The following TRAPPC9 variants were observed in gnomAD, a reference collection of about 807,000 sequenced individuals.
TRAPPC9 encodes trafficking protein particle complex subunit 9.
A neutral mutation model predicts 124.0 loss-of-function variants in TRAPPC9; 83 were observed. The observed-to-expected ratio is 0.67, with a 90% confidence interval of 0.56 to 0.80. The LOEUF is 0.80. Among genes scored for constraint, TRAPPC9 ranks in the 30% least tolerant of loss-of-function variants. The probability of loss-of-function intolerance (pLI) is 0.00; values close to 1 mark genes in which losing one functional copy is unlikely to be tolerated. For missense variants in TRAPPC9, 1,302 were observed against 1,508.3 expected, an observed-to-expected ratio of 0.86 and a Z score of 2.27; for synonymous variants, 638 against 617.5, an observed-to-expected ratio of 1.03 and a Z score of -0.49.
intron 21 of TRAPPC9, among the ~76,000 whole-genome samples, chr8:139,751,690 A>G (rs577379093): frequency 6.6e-6 from 1 of 152,160 alleles, no homozygotes; most frequent in South Asian, 2.1e-4. Context: ...TCATCCACCT[A>G]TCCATCCAGC....
At chr8:140,282,488 G>C (rs1053564559) in intron 14 of TRAPPC9, among the ~76,000 whole-genome samples, 1 of 139,098 alleles carries the variant, frequency 7.2e-6, no homozygotes, top group African/African-American at 2.8e-5. Flanking sequence ...GGGCGACAGA[G>C]CCAGACTCCA....
intron 10 of TRAPPC9, among the ~76,000 whole-genome samples, chr8:140,307,434 G>C (rs1370283869): frequency 6.6e-6 from 1 of 152,130 alleles, no homozygotes; most frequent in African/African-American, 2.4e-5. Flanking sequence ...AATATTCTAA[G>C]GGATCCAACT....
At chr8:139,964,164 C>T (rs1835538835) in intron 19 of TRAPPC9, among the ~76,000 whole-genome samples, 1 of 139,284 alleles carries the variant, frequency 7.2e-6, no homozygotes, top group Non-Finnish European at 1.5e-5. Flanking sequence ...GTGGAGCTTG[C>T]AGTGAGCAGA....
chr8:139,910,063 C>A, intron 20 of TRAPPC9, 84 bp downstream of exon 20: 1 of 1,498,892 alleles, frequency 6.7e-7, no homozygotes, highest in South Asian at 1.2e-5. Flanking sequence ...AATTCAATAG[C>A]TAAGACCCTC....
At chr8:139,772,589 T>C (rs763296464) in intron 21 of TRAPPC9, among the ~76,000 whole-genome samples, 15 of 152,208 alleles carry the variant, frequency 9.9e-5, no homozygotes, top group Middle Eastern at 3.2e-3. Context: ...CACATAAAAT[T>C]CCCAGGGCCA....
At chr8:140,271,683 C>T (rs575129313) in intron 15 of TRAPPC9, among the ~76,000 whole-genome samples, 10 of 152,288 alleles carry the variant, frequency 6.6e-5, no homozygotes, top group South Asian at 2.1e-4. Context: ...AATTGAAACC[C>T]GAATGCTACA....
At chr8:140,435,381 A>C in intron 3 of TRAPPC9, 141 bp from the exon 4 acceptor site, 1 of 1,228,956 alleles carries the variant, frequency 8.1e-7, no homozygotes. Flanking sequence ...TGGAAATGCC[A>C]ATTTTTCTCC....
At chr8:140,286,824 G>T (rs1467937741) in intron 13 of TRAPPC9, among the ~76,000 whole-genome samples, 2 of 152,168 alleles carry the variant, frequency 1.3e-5, no homozygotes, top group East Asian at 3.8e-4. Context: ...GGAACTGGAA[G>T]ACAGCAAGGC....
At chr8:139,873,335 T>G (rs1291449249) in intron 21 of TRAPPC9, among the ~76,000 whole-genome samples, 1 of 152,172 alleles carries the variant, frequency 6.6e-6, no homozygotes, top group Non-Finnish European at 1.5e-5. Flanking sequence ...TTATTCATCA[T>G]AAAAGGATAA....
intron 21 of TRAPPC9, among the ~76,000 whole-genome samples, chr8:139,781,120 A>G: frequency 6.6e-6 from 1 of 152,182 alleles, no homozygotes; most frequent in East Asian, 1.9e-4. Context: ...GACAAAACTG[A>G]AATACTCTTA....
intron 16 of TRAPPC9, among the ~76,000 whole-genome samples, chr8:140,234,691 C>G (rs1434812443): frequency 6.6e-6 from 1 of 152,202 alleles, no homozygotes; most frequent in Non-Finnish European, 1.5e-5. Flanking sequence ...TTAGTTACTT[C>G]CATAATTTAA....
chr8:140,448,767 C>T (rs1391576728), intron 2 of TRAPPC9, among the ~76,000 whole-genome samples: 8 of 152,058 alleles, frequency 5.3e-5, no homozygotes, highest in African/African-American at 9.7e-5. Flanking sequence ...CAGCAGTGTG[C>T]GCTATTCACG....
At chr8:140,325,114 A>ATGCGAACATTT (rs2066703290) in intron 9 of TRAPPC9, among the ~76,000 whole-genome samples, 1 of 152,242 alleles carries the variant, frequency 6.6e-6, no homozygotes, top group Admixed American at 6.5e-5. Context: ...TCAAAAATAA[A>ATGCGAACATTT]AACAAAAGCG....
At chr8:139,818,298 T>G (rs1322342954) in intron 21 of TRAPPC9, among the ~76,000 whole-genome samples, 2 of 152,134 alleles carry the variant, frequency 1.3e-5, no homozygotes, top group African/African-American at 2.4e-5. Context: ...AAGACAGGCC[T>G]GGCATGGTAG....
rs138475765 is a variant in TRAPPC9, at chr8:139,988,362, C to T, written c.2810+364G>A. Reference sequence around the variant, plus strand: ...TCCTGATCTCAGGTGGTCTGCCTGCCTTGGCCTCCCCAAAGTGTTAGGATT... The same window carrying T: ...TCCTGATCTCAGGTGGTCTGCCTGCTTTGGCCTCCCCAAAGTGTTAGGATT... On this transcript the variant is annotated intron_variant, in intron 19 of 22. Transcript: ENST00000438773. Among the ~76,000 whole-genome samples the T allele has an allele frequency of 1.4e-4, 22 of 152,126 alleles. No homozygotes were observed. In the East Asian group the frequency reaches 4.3e-3, roughly 30 times the overall value.
chr8:140,264,993 C>T (rs942038633), intron 15 of TRAPPC9, among the ~76,000 whole-genome samples: 9 of 152,174 alleles, frequency 5.9e-5, no homozygotes, highest in African/African-American at 1.7e-4. Context: ...CTAAACAATA[C>T]GAGACGCCAA....
At chr8:140,441,310 T>C (rs1279683806) in intron 2 of TRAPPC9, among the ~76,000 whole-genome samples, 1 of 152,106 alleles carries the variant, frequency 6.6e-6, no homozygotes, top group African/African-American at 2.4e-5. Context: ...TTTTGCTCAC[T>C]TCCTTGGTAT....
chr8:139,837,871 T>C (rs1012711252), intron 21 of TRAPPC9, among the ~76,000 whole-genome samples: 5 of 152,098 alleles, frequency 3.3e-5, no homozygotes, highest in African/African-American at 1.2e-4. Context: ...AGGGCTGGCA[T>C]GGCAGTTCAG....
chr8:139,838,153 C>G (rs1466545670), intron 21 of TRAPPC9, among the ~76,000 whole-genome samples: 1 of 152,228 alleles, frequency 6.6e-6, no homozygotes, highest in Non-Finnish European at 1.5e-5. Context: ...ATGCACCGCT[C>G]TCCATCCGTG....
Sources: gnomAD v4.1 joint callset for allele counts (sites outside exome capture counted in the v4.1 genomes callset) on GRCh38, gnomAD v4.1.1 for gene constraint, MANE v1.5 for transcripts, NCBI Gene and HGNC (gene_info 2026-07-23, HGNC 2026-07-21) for gene names.